ACVR1: variants seen among roughly 807,000 people sequenced by gnomAD.
ACVR1 encodes activin receptor type-1.
Under a neutral mutation model 57.1 loss-of-function variants are expected in ACVR1, and 38 were observed. The ratio of observed to expected loss-of-function variants is 0.67; its 90% CI spans 0.51 to 0.87. The LOEUF (loss-of-function observed/expected upper bound fraction) is 0.87. Among genes scored for constraint, ACVR1 ranks in the 40% least tolerant of loss-of-function variants. ACVR1 has a pLI of 0.00. For missense variants in ACVR1, 463 were observed against 638.2 expected, an observed-to-expected ratio of 0.73 and a Z score of 2.96; for synonymous variants, 212 against 228.1, an observed-to-expected ratio of 0.93 and a Z score of 0.63.
intron 2 of ACVR1, among the ~76,000 whole-genome samples, chr2:157,817,868 G>A (rs1055752677): frequency 2.6e-5 from 4 of 152,008 alleles, no homozygotes; most frequent in East Asian, 3.9e-4. Flanking sequence ...TGGCTGTGGC[G>A]GCACACACCT....
chr2:157,758,516 T>C (rs570654211), intron 9 of ACVR1, among the ~76,000 whole-genome samples: 1 of 152,152 alleles, frequency 6.6e-6, no homozygotes, highest in East Asian at 1.9e-4. Flanking sequence ...TGATTCTAGA[T>C]ATATATGCAC....
chr2:157,761,642 A>G (rs1310202647), intron 8 of ACVR1, among the ~76,000 whole-genome samples: 1 of 152,224 alleles, frequency 6.6e-6, no homozygotes, highest in Non-Finnish European at 1.5e-5. Context: ...TCATGGAAAC[A>G]GACAGCATTT....
chr2:157,853,586 C>G (rs1689401262), intron 1 of ACVR1, among the ~76,000 whole-genome samples: 1 of 152,200 alleles, frequency 6.6e-6, no homozygotes, highest in African/African-American at 2.4e-5. Flanking sequence ...CTTAAAGCTG[C>G]TGCTCATAAC....
At chr2:157,784,791 T>G (rs1306743238) in intron 3 of ACVR1, among the ~76,000 whole-genome samples, 1 of 152,380 alleles carries the variant, frequency 6.6e-6, no homozygotes, top group Middle Eastern at 3.4e-3. Flanking sequence ...CTGCTCTGTA[T>G]GATCCTCAGT....
rs1407083371 is a variant in ACVR1, at chr2:157,875,794, A to G, written c.-183+2T>C. ...CAGGCGCGGCCGGCGACCTGCGCTC[A>G]CCTCGGGTCCCGCCGCGGCCGGGGG... On this transcript the variant is annotated splice_donor_variant, in intron 1 of 10. Coordinates refer to ENST00000434821, the MANE Select transcript of ACVR1 (RefSeq NM_001111067.4). LOFTEE classifies it low-confidence loss of function (5UTR_SPLICE). 1.3e-5 allele frequency: 2 copies of G among 150,856 alleles called. No individual in the cohort carries two copies. Among genetic ancestry groups the G allele is most frequent in the Non-Finnish European group, 3.0e-5 (2 of 67,040 alleles). 9.3% of individuals were successfully genotyped at this position (150,856 alleles called of 1,614,324 possible).
chr2:157,755,105 T>C (rs1388329909), intron 9 of ACVR1, among the ~76,000 whole-genome samples: 1 of 152,124 alleles, frequency 6.6e-6, no homozygotes, highest in Non-Finnish European at 1.5e-5. Context: ...ACAAGGGACA[T>C]ACCTCAATGT....
intron 3 of ACVR1, among the ~76,000 whole-genome samples, chr2:157,783,369 T>G (rs1686598803): frequency 6.6e-6 from 1 of 152,212 alleles, no homozygotes; most frequent in Non-Finnish European, 1.5e-5. Context: ...CTAAAGAGTT[T>G]GCCAGACGTG....
chr2:157,848,437 T>C (rs1444648429), intron 1 of ACVR1, among the ~76,000 whole-genome samples: 1 of 152,176 alleles, frequency 6.6e-6, no homozygotes. Context: ...ACAGCCAGCA[T>C]CAACCGCCAG....
chr2:157,826,824 GA>G (rs1466999301), intron 1 of ACVR1, among the ~76,000 whole-genome samples: 1 of 124,784 alleles, frequency 8.0e-6, no homozygotes, highest in Non-Finnish European at 1.7e-5. Context: ...GGAAAGGGGA[GA>G]GGGGAGAGGG....
intron 1 of ACVR1, among the ~76,000 whole-genome samples, chr2:157,827,139 T>C (rs1688413980): frequency 6.6e-6 from 1 of 152,096 alleles, no homozygotes; most frequent in African/African-American, 2.4e-5. Context: ...ATTTATGTCA[T>C]TACCAACCTA....
At chr2:157,799,963 T>C (rs898793006) in intron 2 of ACVR1, among the ~76,000 whole-genome samples, 3 of 151,884 alleles carry the variant, frequency 2.0e-5, no homozygotes, top group East Asian at 3.9e-4. Flanking sequence ...GTCTTACTTC[T>C]CCTTTAAAAG....
chr2:157,859,834 C>T (rs1329244145), intron 1 of ACVR1, among the ~76,000 whole-genome samples: 1 of 152,026 alleles, frequency 6.6e-6, no homozygotes, highest in African/African-American at 2.4e-5. Context: ...TCACATGCTG[C>T]TAGGTGATTC....
chr2:157,751,776 T>C (rs1426788287), intron 9 of ACVR1, among the ~76,000 whole-genome samples: 6 of 152,160 alleles, frequency 3.9e-5, no homozygotes, highest in Non-Finnish European at 7.4e-5. Flanking sequence ...CACAACCCCA[T>C]TCCCCACAGC....
intron 1 of ACVR1, among the ~76,000 whole-genome samples, chr2:157,827,922 C>T (rs151133284): frequency 8.5e-4 from 129 of 152,332 alleles, no homozygotes; most frequent in African/African-American, 3.0e-3. Context: ...GCCCAAGTCA[C>T]TACGTTTCCT....
chr2:157,796,544 C>T (rs1486203161), intron 3 of ACVR1, among the ~76,000 whole-genome samples: 1 of 151,824 alleles, frequency 6.6e-6, no homozygotes, highest in Non-Finnish European at 1.5e-5. Context: ...AAAGAGACCC[C>T]GTTTCAAACA....
At chr2:157,832,181 CTG>C (rs1181593803) in intron 1 of ACVR1, among the ~76,000 whole-genome samples, 1 of 152,170 alleles carries the variant, frequency 6.6e-6, no homozygotes, top group Non-Finnish European at 1.5e-5. Context: ...TACTCTCTGC[CTG>C]TGTCCCATCT....
intron 2 of ACVR1, among the ~76,000 whole-genome samples, 192 bp downstream of exon 2, chr2:157,818,193 T>C (rs1688014867): frequency 6.6e-6 from 1 of 152,180 alleles, no homozygotes; most frequent in Admixed American, 6.5e-5. Flanking sequence ...AACTAAGAAC[T>C]ATTAGGCTGG....
At chr2:157,810,540 A>C (rs886804360) in intron 2 of ACVR1, among the ~76,000 whole-genome samples, 2 of 152,226 alleles carry the variant, frequency 1.3e-5, no homozygotes, top group African/African-American at 4.8e-5. Flanking sequence ...AGAAACATCT[A>C]ATCCATGATG....
intron 6 of ACVR1, among the ~76,000 whole-genome samples, chr2:157,773,451 C>T (rs1237686669): frequency 6.6e-6 from 1 of 152,150 alleles, no homozygotes; most frequent in African/African-American, 2.4e-5. Context: ...CGGACTGCTA[C>T]ATAATCTTCA....
Sources: gnomAD v4.1 joint callset for allele counts (sites outside exome capture counted in the v4.1 genomes callset) on GRCh38, gnomAD v4.1.1 for gene constraint, MANE v1.5 for transcripts, NCBI Gene and HGNC (gene_info 2026-07-23, HGNC 2026-07-21) for gene names.